The following DMD variants were observed in gnomAD, a reference collection of about 807,000 sequenced individuals.
The protein encoded by DMD is dystrophin, also known as mutant dystrophin.
A neutral mutation model predicts 330.1 loss-of-function variants in DMD; 63 were observed. The observed-to-expected ratio is 0.19, with a 90% confidence interval of 0.16 to 0.24. DMD has a LOEUF of 0.24. DMD is among the 10% of genes least tolerant of loss of function. The pLI is 1.00. For synonymous variants in DMD, 1,223 were observed against 959.8 expected (o/e 1.27, Z -5.07); for missense variants, 3,344 against 2,684.1 (o/e 1.25, Z -5.43).
At chrX:32,096,237 T>G (rs1247528764) in intron 44 of DMD, among the ~76,000 whole-genome samples, 2 of 111,950 alleles carry the variant, frequency 1.8e-5, no homozygotes, top group African/African-American at 6.5e-5. Flanking sequence ...GTTTCACAAA[T>G]GTAACACGCC....
intron 2 of DMD, among the ~76,000 whole-genome samples, chrX:32,856,646 T>G (rs1233026628): frequency 8.9e-6 from 1 of 111,826 alleles, no homozygotes; most frequent in African/African-American, 3.3e-5. Context: ...AGTAGAATGA[T>G]GTTTACCAGA....
chrX:32,492,710 T>C (rs2043123690), intron 19 of DMD, among the ~76,000 whole-genome samples: 1 of 112,607 alleles, frequency 8.9e-6, no homozygotes, highest in African/African-American at 3.2e-5. Flanking sequence ...CTTAGATTTA[T>C]TAGCTTATAT....
rs1027766337 is a variant in DMD, at chrX:32,447,052, T to A, written c.3786+1404A>T. ...TTTCTAATGAATCACGGAGTATCAT[T>A]TAAATGAACAACATGAATAATAGGG... is the stretch of plus-strand genomic sequence containing the variant. On this transcript the variant is annotated intron_variant, in intron 27 of 78. Transcript: ENST00000357033. 2.7e-5 allele frequency among the ~76,000 whole-genome samples: 3 copies of A among 110,937 alleles called. No homozygotes were observed. In the Admixed American group the frequency reaches 2.9e-4, roughly 11 times the overall value.
At chrX:32,917,172 C>T (rs1382407066) in intron 2 of DMD, among the ~76,000 whole-genome samples, 1 of 88,160 alleles carries the variant, frequency 1.1e-5, no homozygotes, top group Non-Finnish European at 2.2e-5. Flanking sequence ...CCCCCCCCCA[C>T]ATCCCCCAGC....
intron 4 of DMD, among the ~76,000 whole-genome samples, chrX:32,827,065 C>CCTCCA (rs767139724): frequency 1.4e-5 from 1 of 68,986 alleles, no homozygotes; most frequent in African/African-American, 6.5e-5. Flanking sequence ...CACCCCCCCC[C>CCTCCA]CACACACACA....
chrX:32,447,147 T>C (rs1213560533), intron 27 of DMD, among the ~76,000 whole-genome samples: 2 of 110,714 alleles, frequency 1.8e-5, no homozygotes, highest in Non-Finnish European at 3.8e-5. Flanking sequence ...TTAAACATTG[T>C]CAGAAAGCAT....
At chrX:31,377,390 T>C (rs1172649805) in intron 60 of DMD, among the ~76,000 whole-genome samples, 1 of 112,139 alleles carries the variant, frequency 8.9e-6, no homozygotes, top group Non-Finnish European at 1.9e-5. Context: ...TCCCCATCAC[T>C]AAGTTTTAAG....
At chrX:32,354,760 G>A (rs1051411929) in intron 37 of DMD, among the ~76,000 whole-genome samples, 2 of 111,199 alleles carry the variant, frequency 1.8e-5, no homozygotes, top group African/African-American at 6.5e-5. Context: ...CTAATTAGAG[G>A]ATATTACCCA....
intron 9 of DMD, among the ~76,000 whole-genome samples, chrX:32,653,368 C>A (rs187780210): frequency 8.9e-6 from 1 of 111,947 alleles, no homozygotes; most frequent in East Asian, 2.8e-4. Context: ...TTTCAGCTTT[C>A]TACATATGGC....
intron 49 of DMD, among the ~76,000 whole-genome samples, chrX:31,834,713 T>G (rs1569466057): frequency 8.9e-6 from 1 of 111,895 alleles, no homozygotes. Context: ...GTGCTGGGAT[T>G]ATAGGCATGA....
At chrX:32,701,228 A>T (rs1248134956) in intron 7 of DMD, among the ~76,000 whole-genome samples, 1 of 111,858 alleles carries the variant, frequency 8.9e-6, no homozygotes, top group Non-Finnish European at 1.9e-5. Context: ...TTATAAGCAG[A>T]CTGTTACATC....
intron 44 of DMD, among the ~76,000 whole-genome samples, chrX:32,107,066 G>T (rs2096567256): frequency 9.0e-6 from 1 of 111,330 alleles, no homozygotes; most frequent in African/African-American, 3.3e-5. Flanking sequence ...GGTTGAAGAG[G>T]AATGCATTTG....
chrX:32,184,860 A>G (rs1218250073), intron 44 of DMD, among the ~76,000 whole-genome samples: 1 of 94,348 alleles, frequency 1.1e-5, no homozygotes, highest in Non-Finnish European at 2.1e-5. Flanking sequence ...TTTTTCAGGC[A>G]ATTCAGTTTT....
At chrX:32,705,495 C>T (rs776353614) in intron 7 of DMD, among the ~76,000 whole-genome samples, 1 of 111,852 alleles carries the variant, frequency 8.9e-6, no homozygotes, top group Admixed American at 9.6e-5. Flanking sequence ...AGAAAACTAT[C>T]ACCATCATCT....
At chrX:33,247,691 T>C (rs9969956) in intron 1 of DMD, among the ~76,000 whole-genome samples, 1,921 of 112,081 alleles carry the variant, frequency 0.017, 39 homozygotes, top group African/African-American at 0.059. Flanking sequence ...CTACTTGTGA[T>C]AGATATTTAA....
intron 15 of DMD, among the ~76,000 whole-genome samples, chrX:32,568,182 T>A (rs911137774): frequency 6.2e-5 from 7 of 112,122 alleles, no homozygotes; most frequent in African/African-American, 1.9e-4. Flanking sequence ...AAGAAACATT[T>A]GGTAAGCATT....
intron 37 of DMD, among the ~76,000 whole-genome samples, chrX:32,356,928 C>T (rs917486114): frequency 7.2e-5 from 8 of 111,192 alleles, no homozygotes; most frequent in African/African-American, 2.3e-4. Context: ...CTCACTCTGT[C>T]GCCCAGGCTG....
intron 7 of DMD, among the ~76,000 whole-genome samples, chrX:32,774,545 T>G (rs181653608): frequency 1.7e-3 from 186 of 111,006 alleles, no homozygotes; most frequent in Non-Finnish European, 3.1e-3. Flanking sequence ...AAAATCATGG[T>G]GAAAGGCAAA....
At chrX:32,731,659 C>T (rs1257130103) in intron 7 of DMD, among the ~76,000 whole-genome samples, 1 of 111,988 alleles carries the variant, frequency 8.9e-6, no homozygotes, top group African/African-American at 3.2e-5. Context: ...CATACTGACA[C>T]CTCACACGGC....
Sources: allele counts gnomAD v4.1 joint callset (sites outside exome capture counted in the v4.1 genomes callset), GRCh38; gene constraint gnomAD v4.1.1; transcripts MANE v1.5; gene names NCBI Gene and HGNC (gene_info 2026-07-23, HGNC 2026-07-21).